The following SERGEF variants were observed in gnomAD, a reference collection of about 807,000 sequenced individuals.
SERGEF encodes the protein secretion-regulating guanine nucleotide exchange factor.
Under a neutral mutation model 50.0 loss-of-function variants are expected in SERGEF, and 51 were observed. The ratio of observed to expected loss-of-function variants is 1.02; its 90% confidence interval spans 0.81 to 1.29. SERGEF has a LOEUF of 1.29. Ranked by LOEUF, SERGEF falls within the 50% of genes most tolerant of loss-of-function variation. The pLI, the probability that SERGEF is intolerant of heterozygous loss-of-function variation, is 0.00. For synonymous variants in SERGEF, 205 were observed against 212.4 expected, an observed-to-expected ratio of 0.97 and a Z score of 0.30; for missense variants, 521 against 557.0, an observed-to-expected ratio of 0.94 and a Z score of 0.65.
intron 5 of SERGEF, among the ~76,000 whole-genome samples, chr11:17,998,716 T>C (rs1368344040): frequency 2.0e-5 from 3 of 151,142 alleles, no homozygotes; most frequent in African/African-American, 4.9e-5. Context: ...CTTAATCTAA[T>C]AGGACTGGTG....
chr11:17,878,296 AT>A, intron 9 of SERGEF, 52 bp from the exon 10 acceptor site: 3 of 1,391,688 alleles, frequency 2.2e-6, no homozygotes, highest in Non-Finnish European at 3.0e-6. Context: ...CAGCCAGTAT[AT>A]TTTATAATCA....
chr11:17,978,732 T>A (rs753262019), intron 8 of SERGEF, among the ~76,000 whole-genome samples: 1 of 152,160 alleles, frequency 6.6e-6, no homozygotes, highest in Non-Finnish European at 1.5e-5. Flanking sequence ...CCCTTTCCCT[T>A]TCTGGGCCTA....
At chr11:17,805,604 A>G (rs903956499) in intron 10 of SERGEF, among the ~76,000 whole-genome samples, 2 of 152,248 alleles carry the variant, frequency 1.3e-5, no homozygotes, top group African/African-American at 2.4e-5. Context: ...TGACAGGGTC[A>G]TGACCAAAAT....
At chr11:17,998,401 G>C (rs995973144) in intron 5 of SERGEF, among the ~76,000 whole-genome samples, 8 of 142,936 alleles carry the variant, frequency 5.6e-5, no homozygotes, top group Non-Finnish European at 9.0e-5. Context: ...TGGACAACAG[G>C]GGGGGACCCT....
intron 10 of SERGEF, among the ~76,000 whole-genome samples, chr11:17,829,941 G>T (rs938293418): frequency 5.9e-5 from 9 of 152,196 alleles, no homozygotes; most frequent in Non-Finnish European, 1.3e-4. Flanking sequence ...GGAAATTGAT[G>T]ACAGAATTTA....
chr11:17,970,489 C>T (rs1259433359), intron 8 of SERGEF, among the ~76,000 whole-genome samples: 2 of 152,124 alleles, frequency 1.3e-5, no homozygotes, highest in South Asian at 2.1e-4. Context: ...ACCATGGCCT[C>T]TAAGTATTCA....
chr11:17,897,008 T>G (rs1429307843), intron 9 of SERGEF, among the ~76,000 whole-genome samples: 1 of 151,976 alleles, frequency 6.6e-6, no homozygotes, highest in African/African-American at 2.4e-5. Flanking sequence ...CTACCAAAAA[T>G]CAAAGGACTG....
intron 9 of SERGEF, among the ~76,000 whole-genome samples, chr11:17,945,918 C>T (rs1285959220): frequency 2.0e-5 from 3 of 151,962 alleles, no homozygotes; most frequent in African/African-American, 7.3e-5. Context: ...GCAGAGGTTG[C>T]AGTGAGCCGA....
chr11:17,793,819 C>T (rs967333867), intron 10 of SERGEF, among the ~76,000 whole-genome samples: 1 of 152,236 alleles, frequency 6.6e-6, no homozygotes, highest in Non-Finnish European at 1.5e-5. Flanking sequence ...AGGCCTCCTG[C>T]TCACAGGGCT....
chr11:17,958,536 A>AT (rs1323695893), intron 9 of SERGEF, among the ~76,000 whole-genome samples: 1 of 152,214 alleles, frequency 6.6e-6, no homozygotes, highest in Non-Finnish European at 1.5e-5. Flanking sequence ...AGGGGTTTGA[A>AT]TAAGCAACTG....
intron 5 of SERGEF, among the ~76,000 whole-genome samples, chr11:17,999,118 A>G (rs1432177337): frequency 6.6e-6 from 1 of 152,202 alleles, no homozygotes; most frequent in Non-Finnish European, 1.5e-5. Context: ...GTATGATACC[A>G]TTTATAGAAC....
At position 17,788,224 on chromosome 11, in the gene SERGEF, T is replaced by C. The variant is rs1849420536; in HGVS notation, c.1238A>G (p.Lys413Arg). Reference sequence around the variant, plus strand: ...GGCATCTGGGGAAAGGTAGGTGACCTTGGGGTCCTGGACCAATGCAGGGTG... The same window carrying C: ...GGCATCTGGGGAAAGGTAGGTGACCCTGGGGTCCTGGACCAATGCAGGGTG... ...PAHPALVQDP[K>R]VTYLSPDAIE... Residue 413 changes from lysine to arginine, a missense_variant, in exon 11 of 11, where the codon AAG becomes AGG. By Grantham distance (26) the Lys-to-Arg change is conservative. Transcript: ENST00000265965. 1.2e-6 allele frequency: 2 copies of C among 1,612,720 alleles called. No individual in the cohort carries two copies. Among genetic ancestry groups the C allele is most frequent in the Non-Finnish European group, 1.7e-6 (2 of 1,178,936 alleles).
intron 9 of SERGEF, among the ~76,000 whole-genome samples, chr11:17,919,976 G>A (rs896774551): frequency 6.7e-6 from 1 of 148,844 alleles, no homozygotes; most frequent in Admixed American, 6.7e-5. Context: ...AGCCAGGCAC[G>A]GTGGCTCACG....
chr11:17,901,286 CCT>C (rs1408427638), intron 9 of SERGEF, among the ~76,000 whole-genome samples: 1 of 152,178 alleles, frequency 6.6e-6, no homozygotes, highest in Non-Finnish European at 1.5e-5. Flanking sequence ...TTAAGTGTTT[CCT>C]CTCTCTGCTG....
intron 9 of SERGEF, among the ~76,000 whole-genome samples, chr11:17,904,175 C>T (rs1352707203): frequency 6.6e-6 from 1 of 152,196 alleles, no homozygotes; most frequent in Non-Finnish European, 1.5e-5. Flanking sequence ...CTAATGAGGG[C>T]TCCAAGAAAC....
intron 9 of SERGEF, among the ~76,000 whole-genome samples, chr11:17,904,798 C>A (rs1462190166): frequency 6.6e-6 from 1 of 152,136 alleles, no homozygotes; most frequent in Non-Finnish European, 1.5e-5. Context: ...CTTCTCTGAC[C>A]CAAAACACAA....
chr11:17,994,475 CAAAAAAAAAAAAA>C (rs58280362), intron 6 of SERGEF, among the ~76,000 whole-genome samples: 1 of 63,734 alleles, frequency 1.6e-5, no homozygotes, highest in Admixed American at 2.0e-4. Flanking sequence ...GACTCTGTCT[CAAAAAAAAAAAAA>C]AAAAAAAAAA....
chr11:17,824,933 C>T (rs912375121), intron 10 of SERGEF, among the ~76,000 whole-genome samples: 4 of 152,098 alleles, frequency 2.6e-5, no homozygotes, highest in African/African-American at 7.2e-5. Context: ...CTTGTCTAAG[C>T]CAATATTATT....
Position 17,992,933 on chromosome 11 carries a change from G to T in SERGEF, c.683C>A (p.Thr228Lys). 6.2e-7 allele frequency: 1 copy of T among 1,613,636 alleles called. No individual in the cohort carries two copies. The highest frequency in any genetic ancestry group is 1.3e-5 in the African/African-American group (1 of 75,016). ...LAGSDHSASLTDAGEVYVWGS... is the reference protein window; with the variant it reads ...LAGSDHSASLKDAGEVYVWGS... ...ACCGTGAAAGAGCTGGTACCTACCT[G>T]TTAATGAAGCTGAGTGGTCTGAGCC... The change falls in exon 7 of 11, where the codon ACA becomes AAA. Residue 228 changes from threonine to lysine, a missense_variant and splice_region_variant. Coordinates refer to ENST00000265965, the MANE Select transcript of SERGEF (RefSeq NM_012139.4).
Sources: gnomAD v4.1 joint callset for allele counts (sites outside exome capture counted in the v4.1 genomes callset) on GRCh38, gnomAD v4.1.1 for gene constraint, MANE v1.5 for transcripts, NCBI Gene and HGNC (gene_info 2026-07-23, HGNC 2026-07-21) for gene names.